TAFA2: variants seen among roughly 807,000 people sequenced by gnomAD.
TAFA2 encodes the protein TAFA chemokine like family member 2.
In TAFA2, 7 loss-of-function variants were observed where a neutral mutation model predicts 18.8. The observed-to-expected ratio is 0.37, with a 90% CI of 0.21 to 0.70. The LOEUF (loss-of-function observed/expected upper bound fraction) is 0.70, where lower values mean the gene tolerates loss of function less well. TAFA2 is among the 30% of genes least tolerant of loss of function. The pLI is 0.53. For missense variants in TAFA2, 122 were observed against 158.1 expected (o/e 0.77, Z 1.23); for synonymous variants, 60 against 54.2 (o/e 1.11, Z -0.47).
chr12:61,710,946 TATTTGAAAAAA>T (rs1475710027), intron 4 of TAFA2, among the ~76,000 whole-genome samples: 1 of 115,422 alleles, frequency 8.7e-6, no homozygotes, highest in Non-Finnish European at 1.9e-5. Flanking sequence ...TGAAAAATTA[TATTTGAAAAAA>T]ATCTGTTTAT....
intron 1 of TAFA2, among the ~76,000 whole-genome samples, chr12:61,882,107 C>T (rs1875172382): frequency 6.6e-6 from 1 of 152,160 alleles, no homozygotes; most frequent in African/African-American, 2.4e-5. Context: ...GTTTAATGTA[C>T]TAATCCAACT....
intron 1 of TAFA2, among the ~76,000 whole-genome samples, chr12:62,077,293 T>C (rs541833811): frequency 1.5e-3 from 221 of 152,326 alleles, no homozygotes; most frequent in African/African-American, 4.8e-3. Context: ...TTATTCTGTG[T>C]TCTGTTCCCA....
At chr12:62,163,826 A>C (rs2062421583) in intron 1 of TAFA2, among the ~76,000 whole-genome samples, 1 of 152,148 alleles carries the variant, frequency 6.6e-6, no homozygotes, top group African/African-American at 2.4e-5. Flanking sequence ...AAAGTAAAAA[A>C]AATAGCCATC....
intron 1 of TAFA2, among the ~76,000 whole-genome samples, chr12:62,017,662 AT>A (rs1299549557): frequency 6.6e-6 from 1 of 152,170 alleles, no homozygotes; most frequent in African/African-American, 2.4e-5. Flanking sequence ...TCCCTGAAAA[AT>A]ATAACTTTCT....
At chr12:62,203,817 G>A (rs926139303) in intron 1 of TAFA2, among the ~76,000 whole-genome samples, 6 of 152,058 alleles carry the variant, frequency 3.9e-5, no homozygotes, top group African/African-American at 1.4e-4. Flanking sequence ...TTTAATTGGG[G>A]CATTTAGCCC....
chr12:61,913,150 A>G (rs1221656247), intron 1 of TAFA2, among the ~76,000 whole-genome samples: 1 of 152,318 alleles, frequency 6.6e-6, no homozygotes, highest in African/African-American at 2.4e-5. Flanking sequence ...TAGGTTTTCA[A>G]TTCACTAAAA....
At chr12:62,029,179 C>A (rs756998260) in intron 1 of TAFA2, among the ~76,000 whole-genome samples, 2 of 152,086 alleles carry the variant, frequency 1.3e-5, no homozygotes, top group Non-Finnish European at 2.9e-5. Context: ...TAAATGAAAT[C>A]AGGCAAGCTA....
chr12:62,017,305 A>T (rs532072211), intron 1 of TAFA2, among the ~76,000 whole-genome samples: 36 of 152,318 alleles, frequency 2.4e-4, no homozygotes, highest in South Asian at 1.9e-3. Flanking sequence ...AAATGTCTAT[A>T]AAATGGCACA....
At chr12:62,137,611 G>A (rs1340057729) in intron 1 of TAFA2, among the ~76,000 whole-genome samples, 1 of 151,986 alleles carries the variant, frequency 6.6e-6, no homozygotes, top group African/African-American at 2.4e-5. Flanking sequence ...TTCTCATGGA[G>A]TACATAACTA....
intron 1 of TAFA2, among the ~76,000 whole-genome samples, chr12:62,165,935 TCTCTCACA>T (rs2062435741): frequency 8.3e-6 from 1 of 120,310 alleles, no homozygotes; most frequent in Admixed American, 8.8e-5. Context: ...TCTCTCTCTC[TCTCTCACA>T]CACACACACA....
intron 2 of TAFA2, among the ~76,000 whole-genome samples, chr12:61,775,611 G>A (rs1565629843): frequency 6.6e-6 from 1 of 151,788 alleles, no homozygotes; most frequent in Non-Finnish European, 1.5e-5. Flanking sequence ...ATGAAGATCA[G>A]TGATTATCAG....
chr12:61,906,551 G>A (rs1470266133), intron 1 of TAFA2, among the ~76,000 whole-genome samples: 3 of 152,084 alleles, frequency 2.0e-5, no homozygotes, highest in Non-Finnish European at 2.9e-5. Flanking sequence ...AACAATATGA[G>A]AACAGACTAA....
Position 61,736,986 on chromosome 12 carries a change from A to G in TAFA2, c.384+16636T>C, listed in dbSNP as rs540269911. 5.3e-5 allele frequency among the ~76,000 whole-genome samples: 8 copies of G among 152,170 alleles called. No individual in the cohort carries two copies. The South Asian group carries it at 1.7e-3, about 32-fold the overall frequency. On this transcript the variant is annotated intron_variant, in intron 4 of 4. Transcript: ENST00000416284. ...AATTTCTTCAACTTTCCCATCATAA[A>G]GATGAGACATAGAGATAGTAATGTG...
At chr12:61,925,157 G>C (rs1313227591) in intron 1 of TAFA2, among the ~76,000 whole-genome samples, 2 of 152,160 alleles carry the variant, frequency 1.3e-5, no homozygotes, top group Non-Finnish European at 2.9e-5. Context: ...ACACCCCACT[G>C]TCAATATTAG....
intron 2 of TAFA2, among the ~76,000 whole-genome samples, chr12:61,851,636 G>A (rs1873653185): frequency 1.3e-5 from 2 of 151,460 alleles, no homozygotes; most frequent in Admixed American, 6.6e-5. Flanking sequence ...TTAGCTGGGC[G>A]TGGCGGCGGG....
At chr12:61,724,679 C>T (rs1870057511) in intron 4 of TAFA2, among the ~76,000 whole-genome samples, 1 of 151,426 alleles carries the variant, frequency 6.6e-6, no homozygotes, top group African/African-American at 2.4e-5. Context: ...GAATAATGGC[C>T]TCCATCCAGG....
At chr12:61,908,967 AG>A (rs1876486023) in intron 1 of TAFA2, among the ~76,000 whole-genome samples, 1 of 152,170 alleles carries the variant, frequency 6.6e-6, no homozygotes, top group Non-Finnish European at 1.5e-5. Flanking sequence ...TTCATCCTAG[AG>A]TGATCCAGTA....
At chr12:62,006,358 C>A (rs1561629) in intron 1 of TAFA2, among the ~76,000 whole-genome samples, 11,454 of 152,070 alleles carry the variant, frequency 0.075, 561 homozygotes, top group African/African-American at 0.13. Context: ...TACTTCAAAC[C>A]AAAGCGCTCC....
chr12:61,851,498 C>T (rs970626948), intron 2 of TAFA2, among the ~76,000 whole-genome samples: 5 of 152,036 alleles, frequency 3.3e-5, no homozygotes, highest in African/African-American at 9.7e-5. Flanking sequence ...GAGTTCTGGC[C>T]GGGCGCGGTG....
Sources: gnomAD v4.1 joint callset for allele counts (sites outside exome capture counted in the v4.1 genomes callset) on GRCh38, gnomAD v4.1.1 for gene constraint, MANE v1.5 for transcripts, NCBI Gene and HGNC (gene_info 2026-07-23, HGNC 2026-07-21) for gene names.